TBX5: variants seen among roughly 807,000 people sequenced by gnomAD.
The protein encoded by TBX5 is T-box transcription factor TBX5.
In TBX5, 8 loss-of-function variants were observed where a neutral mutation model predicts 51.1. That is an observed-to-expected ratio of 0.16 (90% CI 0.09 to 0.28). The LOEUF (loss-of-function observed/expected upper bound fraction) is 0.28. TBX5 is among the 10% of genes least tolerant of loss of function. TBX5 has a pLI of 1.00. For missense variants in TBX5, 589 were observed against 671.7 expected, an observed-to-expected ratio of 0.88 and a Z score of 1.36; for synonymous variants, 302 against 266.4, an observed-to-expected ratio of 1.13 and a Z score of -1.30.
chr12:114,399,048 C>G (rs949224052), intron 4 of TBX5, among the ~76,000 whole-genome samples: 1 of 152,120 alleles, frequency 6.6e-6, no homozygotes, highest in Non-Finnish European at 1.5e-5. Context: ...TCGTCAGGCC[C>G]CTGCACTGCT....
At chr12:114,375,107 T>C (rs1049118356) in intron 7 of TBX5, among the ~76,000 whole-genome samples, 1 of 152,146 alleles carries the variant, frequency 6.6e-6, no homozygotes, top group Non-Finnish European at 1.5e-5. Context: ...TCAGTGTGAG[T>C]TGAGTACTAA....
chr12:114,374,229 G>T (rs1042146667), intron 7 of TBX5, among the ~76,000 whole-genome samples: 12 of 152,338 alleles, frequency 7.9e-5, no homozygotes, highest in African/African-American at 2.9e-4. Context: ...AGGTCTCTTG[G>T]AAAATAAAAT....
chr12:114,383,454 G>A (rs994149465), intron 7 of TBX5, among the ~76,000 whole-genome samples: 1 of 152,220 alleles, frequency 6.6e-6, no homozygotes, highest in Non-Finnish European at 1.5e-5. Flanking sequence ...GGCCAGGCCA[G>A]ATGGGAAGGT....
At chr12:114,394,707 G>T (rs114389588) in intron 6 of TBX5, 34 bp downstream of exon 6, 49 of 1,613,338 alleles carry the variant, frequency 3.0e-5, no homozygotes, top group East Asian at 1.3e-4. Context: ...AGAGCAGACG[G>T]CCCCAGGCAC....
At chr12:114,369,587 A>C (rs1869740671) in intron 7 of TBX5, among the ~76,000 whole-genome samples, 1 of 152,210 alleles carries the variant, frequency 6.6e-6, no homozygotes, top group Non-Finnish European at 1.5e-5. Flanking sequence ...CAGCGGGGCA[A>C]TTTTCACAGA....
chr12:114,408,222 G>T (rs769059943), upstream of TBX5: 13 of 985,178 alleles, frequency 1.3e-5, no homozygotes, highest in Non-Finnish European at 1.4e-5. Flanking sequence ...ACAGGTTCCG[G>T]ACGTCTTGGC....
At chr12:114,372,060 G>T (rs1397973460) in intron 7 of TBX5, among the ~76,000 whole-genome samples, 1 of 152,096 alleles carries the variant, frequency 6.6e-6, no homozygotes, top group Non-Finnish European at 1.5e-5. Flanking sequence ...ACCTGGGCGT[G>T]GACATAGAGC....
At chr12:114,356,241 A>G in intron 8 of TBX5, 135 bp from the exon 9 acceptor site, 1 of 869,352 alleles carries the variant, frequency 1.2e-6, no homozygotes. Context: ...TCTGAATACA[A>G]AAAAAGGGGG....
At chr12:114,373,624 A>G (rs1473683342) in intron 7 of TBX5, among the ~76,000 whole-genome samples, 1 of 152,112 alleles carries the variant, frequency 6.6e-6, no homozygotes, top group African/African-American at 2.4e-5. Flanking sequence ...ATGCCCAGCT[A>G]ATTTTTGTAT....
chr12:114,398,528 GGACAAGAGGGA>G, intron 5 of TBX5, 34 bp downstream of exon 5: 3 of 1,598,832 alleles, frequency 1.9e-6, no homozygotes. Flanking sequence ...AAGGGAGAGA[GGACAAGAGGGA>G]GACAAGGCGG....
At chr12:114,367,726 A>C (rs1342290471) in intron 7 of TBX5, among the ~76,000 whole-genome samples, 1 of 152,168 alleles carries the variant, frequency 6.6e-6, no homozygotes, top group Non-Finnish European at 1.5e-5. Flanking sequence ...CAAGTATGTG[A>C]GAGAAGAAGA....
chr12:114,397,492 GTAAT>G (rs1206114582), intron 5 of TBX5, among the ~76,000 whole-genome samples: 2 of 152,240 alleles, frequency 1.3e-5, no homozygotes, highest in East Asian at 1.9e-4. Context: ...TTCTGTTCTA[GTAAT>G]TAATTATCTT....
At chr12:114,389,172 C>A (rs2136402826) in intron 6 of TBX5, among the ~76,000 whole-genome samples, 1 of 152,144 alleles carries the variant, frequency 6.6e-6, no homozygotes, top group African/African-American at 2.4e-5. Context: ...AAATGATCCA[C>A]CCACCTCGGC....
At chr12:114,383,117 G>T (rs1471231350) in intron 7 of TBX5, among the ~76,000 whole-genome samples, 1 of 152,004 alleles carries the variant, frequency 6.6e-6, no homozygotes, top group East Asian at 1.9e-4. Flanking sequence ...ATCTTCCAAA[G>T]TTCCAGGCCT....
At chr12:114,367,205 A>C (rs1869589990) in intron 7 of TBX5, among the ~76,000 whole-genome samples, 1 of 152,126 alleles carries the variant, frequency 6.6e-6, no homozygotes, top group Non-Finnish European at 1.5e-5. Context: ...AGGAGGAACA[A>C]GGACATAGAA....
intron 7 of TBX5, among the ~76,000 whole-genome samples, chr12:114,372,835 C>T (rs1467555210): frequency 3.9e-5 from 6 of 152,042 alleles, no homozygotes; most frequent in South Asian, 2.1e-4. Context: ...TATCCAGGCA[C>T]GAACTAGACC....
chr12:114,398,645 C>T lies in TBX5; in HGVS notation c.438G>A (p.Ala146=). ...AGGAGACGAGCTGCCTCATCCAATG[C>T]GCCCCGGTGGCGGGGGAGTCTGGGT... The part of the protein sequence containing the change: ...YVHPDSPATG[A]HWMRQLVSFQ... The change falls in exon 5 of 9, where the codon GCG becomes GCA. Residue 146 remains alanine, a synonymous_variant. Transcript: ENST00000405440. 1.2e-6 allele frequency: 2 copies of T among 1,613,366 alleles called. No homozygotes were observed. The highest frequency in any genetic ancestry group is 2.2e-5 in the East Asian group (1 of 44,852).
At chr12:114,358,626 G>A (rs1468038709) in intron 8 of TBX5, among the ~76,000 whole-genome samples, 1 of 151,652 alleles carries the variant, frequency 6.6e-6, no homozygotes, top group Admixed American at 6.6e-5. Flanking sequence ...GGACTTATAG[G>A]ATACCAAAAA....
intron 4 of TBX5, among the ~76,000 whole-genome samples, chr12:114,399,126 G>A (rs1422273315): frequency 6.6e-6 from 1 of 152,192 alleles, no homozygotes; most frequent in Non-Finnish European, 1.5e-5. Context: ...AATACCACGA[G>A]TCGATTTTGC....
Sources: gnomAD v4.1 joint callset for allele counts (sites outside exome capture counted in the v4.1 genomes callset) on GRCh38, gnomAD v4.1.1 for gene constraint, MANE v1.5 for transcripts, NCBI Gene and HGNC (gene_info 2026-07-23, HGNC 2026-07-21) for gene names.